Variants in PGPEP1 observed in about 807,000 individuals in gnomAD.
PGPEP1 encodes the protein pyroglutamyl-peptidase 1.
Under a neutral mutation model 24.1 loss-of-function variants are expected in PGPEP1, and 15 were observed. That is an observed-to-expected ratio of 0.62 (90% confidence interval 0.42 to 0.96). The LOEUF (loss-of-function observed/expected upper bound fraction) is 0.96. PGPEP1 is among the 40% of genes least tolerant of loss of function. The pLI is 0.00. For missense variants in PGPEP1, 242 were observed against 273.4 expected, an observed-to-expected ratio of 0.89 and a Z score of 0.81; for synonymous variants, 122 against 116.4, an observed-to-expected ratio of 1.05 and a Z score of -0.31.
At chr19:18,362,901 A>T (rs1366129449) in intron 4 of PGPEP1, among the ~76,000 whole-genome samples, 1 of 152,084 alleles carries the variant, frequency 6.6e-6, no homozygotes, top group Admixed American at 6.6e-5. Flanking sequence ...AGTCTGGGTG[A>T]TTATAATTTT....
intron 2 of PGPEP1, 91 bp downstream of exon 2, chr19:18,343,002 A>AT: frequency 1.1e-6 from 1 of 952,014 alleles, no homozygotes; most frequent in Non-Finnish European, 1.6e-6. Context: ...TTTAACAAAA[A>AT]CTTTTTTTTT....
chr19:18,357,455 T>A lies in PGPEP1; in HGVS notation c.277T>A (p.Tyr93Asn), dbSNP rs1971216755. ...GGAGAAATGTGGACACAACAAGGGC[T>A]ACAAGGGGCTGGACAACTGCCGCTT... ...TLEKCGHNKG[Y>N]KGLDNCRFCP... is the part of the protein sequence containing the mutation. Residue 93 changes from tyrosine (Y) to asparagine (N), a missense_variant, in exon 4 of 5, where the codon TAC becomes AAC. Coordinates refer to ENST00000269919, the MANE Select transcript of PGPEP1 (RefSeq NM_017712.4). The A allele has an allele frequency of 6.2e-6, 10 of 1,613,914 alleles. No individual in the cohort carries two copies. Among genetic ancestry groups the A allele is most frequent in the African/African-American group, 1.3e-5 (1 of 74,914 alleles).
At chr19:18,352,354 G>T (rs1266757007) in intron 2 of PGPEP1, among the ~76,000 whole-genome samples, 1 of 151,012 alleles carries the variant, frequency 6.6e-6, no homozygotes, top group Non-Finnish European at 1.5e-5. Context: ...TGAGGCAGAA[G>T]GAACTCTTGA....
At chr19:18,344,372 C>T (rs7249855) in intron 2 of PGPEP1, among the ~76,000 whole-genome samples, 9,488 of 152,068 alleles carry the variant, frequency 0.062, 1,021 homozygotes, top group African/African-American at 0.21. Flanking sequence ...AGTGTTTTCT[C>T]GTTATATAAA....
At position 18,369,617 on chromosome 19, in the gene PGPEP1, ACT is replaced by A. The variant is rs1236312637; in HGVS notation, c.*6039_*6040del. 6.6e-6 allele frequency: 1 copy of A among 151,938 alleles called. No homozygotes were observed. Among genetic ancestry groups the A allele is most frequent in the Non-Finnish European group, 1.5e-5 (1 of 67,976 alleles). 9.4% of individuals were successfully genotyped at this position (151,938 alleles called of 1,614,324 possible). A position where few individuals can be genotyped will look rare whatever the true frequency, so the allele number is the denominator to read the frequency against. On this transcript the variant is annotated 3_prime_UTR_variant, in exon 5 of 5. Transcript: ENST00000269919. ...CCCTGAGCCTTTGGAAGCCGAGTTC[ACT>A]CTCTGCCTGCCCAGGGGAGCACCGG...
At chr19:18,357,076 T>C (rs7248363) in intron 3 of PGPEP1, among the ~76,000 whole-genome samples, 112,555 of 152,216 alleles carry the variant, frequency 0.74, 41,965 homozygotes, top group South Asian at 0.83. Context: ...ATTTTAACAC[T>C]TGCATAGCAG....
At position 18,354,961 on chromosome 19, in the gene PGPEP1, CTTTT is replaced by C. The variant is rs761843314; in HGVS notation, c.88-912_88-909del. ...AGCTATCCTGTGAGGTAAGTCGATA[CTTTT>C]TTTTTTTTTTTTTTTTTTTTTGAGA... On this transcript the variant is annotated intron_variant, in intron 2 of 4. Transcript: ENST00000269919. 2.9e-4 allele frequency among the ~76,000 whole-genome samples: 27 copies of C among 94,720 alleles called. No individual in the cohort carries two copies. The South Asian group carries it at 8.1e-3, about 28-fold the overall frequency. The allele number at this position is 94,720 out of a possible 152,430, so 62.1% of individuals were successfully genotyped here.
At position 18,363,614 on chromosome 19, in the gene PGPEP1, TGCTGGG is replaced by T; in HGVS notation, c.*33_*38del. 1.3e-6 allele frequency: 2 copies of T among 1,567,434 alleles called. No individual in the cohort carries two copies. Among genetic ancestry groups the T allele is most frequent in the East Asian group, 4.5e-5 (2 of 44,040 alleles). On this transcript the variant is annotated 3_prime_UTR_variant, in exon 5 of 5. Transcript: ENST00000269919. Reference sequence around the variant, plus strand: ...GCTCAGGTCTCCTAAGACCTCATCCTGCTGGGGACCCCACGAGGGGACATCCACCCT... The same window carrying T: ...GCTCAGGTCTCCTAAGACCTCATCCTGACCCCACGAGGGGACATCCACCCT...
intron 2 of PGPEP1, among the ~76,000 whole-genome samples, chr19:18,353,566 C>T (rs1040667552): frequency 4.3e-4 from 66 of 152,180 alleles, no homozygotes; most frequent in Admixed American, 3.8e-3. Context: ...CACTGTGTTG[C>T]GCAACCATCA....
At chr19:18,357,249 T>C (rs1346212000) in intron 3 of PGPEP1, 134 bp from the exon 4 acceptor site, 5 of 640,736 alleles carry the variant, frequency 7.8e-6, no homozygotes, top group Admixed American at 5.3e-5. Flanking sequence ...GGGTCTATTC[T>C]AGCAGCAAGA....
At position 18,365,679 on chromosome 19, in the gene PGPEP1, CT is replaced by C. The variant is rs1167042831; in HGVS notation, c.*2098del. The C allele has an allele frequency of 1.3e-5, 2 of 152,218 alleles. No homozygotes were observed. The highest frequency in any genetic ancestry group is 2.9e-5 in the Non-Finnish European group (2 of 68,070). 9.4% of individuals were successfully genotyped at this position (152,218 alleles called of 1,614,324 possible). ...TTAAAACAGCTGAGAGTTTTGTTTT[CT>C]TCAGCGTTCACCTTCCTTGTCTCCA... is the stretch of plus-strand genomic sequence containing the variant. On this transcript the variant is annotated 3_prime_UTR_variant, in exon 5 of 5. Coordinates refer to ENST00000269919, the MANE Select transcript of PGPEP1 (RefSeq NM_017712.4).
In PGPEP1 at chr19:18,363,486, C is replaced by A; in HGVS notation, c.533C>A (p.Ala178Glu). The A allele has an allele frequency of 6.2e-7, 1 of 1,614,192 alleles. No individual in the cohort carries two copies. The part of the protein sequence containing the change: ...HVPPLGKPYN[A>E]DQLGRALRAI... ...CCCCCACTGGGGAAGCCGTACAACG[C>A]GGACCAGCTGGGCAGGGCACTGAGA... Residue 178 changes from alanine to glutamate, a missense_variant, in exon 5 of 5, where the codon GCG becomes GAG. Physicochemically the swap from Ala to Glu is moderately radical, Grantham distance 107. Coordinates refer to ENST00000269919, the MANE Select transcript of PGPEP1 (RefSeq NM_017712.4).
Position 18,356,307 on chromosome 19 carries a change from G to A in PGPEP1, c.204+296G>A, listed in dbSNP as rs561252152. Among the ~76,000 whole-genome samples, 13 of 152,042 alleles carry A rather than the reference G, an allele frequency of 8.6e-5. No homozygotes were observed. The South Asian group carries it at 1.0e-3, about 12-fold the overall frequency. ...AAATTAGCCGGGTGTGATGGTGGGCGCCTGTAGTTCCAGCTACTCGGGAGG... is the reference window on the plus strand; with the variant it reads ...AAATTAGCCGGGTGTGATGGTGGGCACCTGTAGTTCCAGCTACTCGGGAGG... On this transcript the variant is annotated intron_variant, in intron 3 of 4. Coordinates refer to ENST00000269919, the MANE Select transcript of PGPEP1 (RefSeq NM_017712.4).
chr19:18,342,039 C>T (rs921303225), intron 1 of PGPEP1, among the ~76,000 whole-genome samples: 2 of 152,056 alleles, frequency 1.3e-5, no homozygotes, highest in African/African-American at 2.4e-5. Flanking sequence ...TCCTGAGTAG[C>T]TGGAATTACG....
chr19:18,360,926 G>A (rs900651789), intron 4 of PGPEP1, among the ~76,000 whole-genome samples: 2 of 150,342 alleles, frequency 1.3e-5, no homozygotes, highest in East Asian at 3.9e-4. Context: ...TCCATCTCCC[G>A]GGTCAAGTGA....
At chr19:18,351,568 G>A (rs979426589) in intron 2 of PGPEP1, among the ~76,000 whole-genome samples, 2 of 148,574 alleles carry the variant, frequency 1.3e-5, no homozygotes, top group Admixed American at 1.4e-4. Context: ...AGGTTGCGAT[G>A]AGCCGAAATC....
At chr19:18,359,589 C>G (rs1971284734) in intron 4 of PGPEP1, among the ~76,000 whole-genome samples, 1 of 151,712 alleles carries the variant, frequency 6.6e-6, no homozygotes, top group Admixed American at 6.6e-5. Context: ...CTCACTGCAA[C>G]CTCCGCCTCT....
intron 2 of PGPEP1, among the ~76,000 whole-genome samples, chr19:18,343,770 C>A (rs1970749841): frequency 6.8e-6 from 1 of 146,846 alleles, no homozygotes; most frequent in African/African-American, 2.5e-5. Flanking sequence ...TGCAACCTTG[C>A]CTTCTGGGTT....
At chr19:18,351,800 T>G (rs779811555) in intron 2 of PGPEP1, among the ~76,000 whole-genome samples, 5 of 151,802 alleles carry the variant, frequency 3.3e-5, no homozygotes, top group Non-Finnish European at 7.4e-5. Context: ...TCTATGGGAT[T>G]TCTCAGGTGT....
Sources: gnomAD v4.1 joint callset for allele counts (sites outside exome capture counted in the v4.1 genomes callset) on GRCh38, gnomAD v4.1.1 for gene constraint, MANE v1.5 for transcripts, NCBI Gene and HGNC (gene_info 2026-07-23, HGNC 2026-07-21) for gene names.